Variants in CCDC30 observed in about 807,000 individuals in gnomAD.
The protein encoded by CCDC30 is coiled-coil domain-containing protein 30.
In CCDC30, 70 loss-of-function variants were observed where a neutral mutation model predicts 100.2. The observed-to-expected ratio is 0.70, with a 90% CI of 0.58 to 0.85. The LOEUF is 0.85. Among genes scored for constraint, CCDC30 ranks in the 40% least tolerant of loss-of-function variants. The pLI, the probability that CCDC30 is intolerant of heterozygous loss-of-function variation, is 0.00. For missense variants in CCDC30, 652 were observed against 771.2 expected, an observed-to-expected ratio of 0.85 and a Z score of 1.83; for synonymous variants, 233 against 269.5, an observed-to-expected ratio of 0.86 and a Z score of 1.33.
At chr1:42,641,605 G>A (rs185576998) in intron 12 of CCDC30, among the ~76,000 whole-genome samples, 1 of 152,118 alleles carries the variant, frequency 6.6e-6, no homozygotes, top group East Asian at 1.9e-4. Context: ...AGTGCCTCAC[G>A]CTTGTAATCC....
chr1:42,469,745 T>G (rs1643705865), intron 1 of CCDC30, among the ~76,000 whole-genome samples: 1 of 152,082 alleles, frequency 6.6e-6, no homozygotes, highest in African/African-American at 2.4e-5. Context: ...GGTATGTTGA[T>G]GAGGAGAAGC....
At chr1:42,602,082 T>C (rs774742644) in intron 10 of CCDC30, among the ~76,000 whole-genome samples, 3 of 151,986 alleles carry the variant, frequency 2.0e-5, no homozygotes, top group Non-Finnish European at 2.9e-5. Context: ...ATGGATAAAG[T>C]AGAAGAATCA....
intron 10 of CCDC30, among the ~76,000 whole-genome samples, chr1:42,599,304 G>A (rs967381537): frequency 1.3e-5 from 2 of 152,116 alleles, no homozygotes; most frequent in African/African-American, 4.8e-5. Context: ...CTTATTATAA[G>A]GTACTCATAC....
intron 9 of CCDC30, 114 bp from the exon 14 acceptor site, chr1:42,589,207 C>T (rs1358092960): frequency 4.2e-6 from 3 of 710,514 alleles, no homozygotes; most frequent in African/African-American, 3.7e-5. Context: ...TAGACACATA[C>T]CCTACTTCAT....
exon 12 of CCDC30, chr1:42,637,271 A>C (rs1271674358): frequency 6.3e-7 from 1 of 1,583,660 alleles, no homozygotes; most frequent in Non-Finnish European, 8.5e-7. Flanking sequence ...ACAAAAAGTC[A>C]AGCTTCAAAA....
chr1:42,653,968 T>C, exon 17 of CCDC30: 1 of 1,614,166 alleles, frequency 6.2e-7, no homozygotes, highest in East Asian at 2.2e-5. Context: ...GATACATAAA[T>C]GTGGCTTCTC....
At chr1:42,502,820 C>G (rs1355709400) in intron 6 of CCDC30, among the ~76,000 whole-genome samples, 1 of 152,192 alleles carries the variant, frequency 6.6e-6, no homozygotes, top group Non-Finnish European at 1.5e-5. Flanking sequence ...CCTTCTTTCA[C>G]TTAGCATAAT....
intron 6 of CCDC30, chr1:42,510,095 T>G: frequency 4.1e-6 from 4 of 985,394 alleles, no homozygotes; most frequent in Non-Finnish European, 4.8e-6. Context: ...ATGTAGATGG[T>G]GGGCAGGAAG....
At chr1:42,543,885 A>C (rs1325392268) in intron 6 of CCDC30, among the ~76,000 whole-genome samples, 2 of 152,242 alleles carry the variant, frequency 1.3e-5, no homozygotes, top group African/African-American at 4.8e-5. Flanking sequence ...CTCTTAAAGT[A>C]AACTTAAATT....
chr1:42,476,719 G>A lies in CCDC30; in HGVS notation c.-91-3742G>A, dbSNP rs1293098027. 2.1e-5 allele frequency among the ~76,000 whole-genome samples: 3 copies of A among 140,254 alleles called. No homozygotes were observed. In the Admixed American group the frequency reaches 2.2e-4, roughly 10 times the overall value. 92.0% of individuals were successfully genotyped at this position (140,254 alleles called of 152,430 possible). On this transcript the variant is annotated intron_variant, in intron 1 of 16. Transcript: ENST00000668663. Reference sequence around the variant, plus strand: ...AAAAAAAAAAAGATAAAAAAATTAGGTGCTGTTATTATACTTATTATTATA... The same window carrying A: ...AAAAAAAAAAAGATAAAAAAATTAGATGCTGTTATTATACTTATTATTATA...
intron 15 of CCDC30, among the ~76,000 whole-genome samples, chr1:42,648,144 T>C (rs1648039464): frequency 6.6e-6 from 1 of 151,858 alleles, no homozygotes; most frequent in Non-Finnish European, 1.5e-5. Flanking sequence ...TTCTCCATGT[T>C]GGTCAGGCTG....
intron 6 of CCDC30, 105 bp from the exon 7 acceptor site, chr1:42,536,371 T>A: frequency 1.5e-6 from 1 of 683,760 alleles, no homozygotes; most frequent in Non-Finnish European, 2.3e-6. Context: ...GGTTCATAAA[T>A]CCCCTGGATG....
chr1:42,635,807 C>CA (rs199893593), intron 11 of CCDC30, among the ~76,000 whole-genome samples: 2,321 of 101,670 alleles, frequency 0.023, 25 homozygotes, highest in African/African-American at 0.042. Flanking sequence ...GACTCCATCT[C>CA]AAAAAAAAAA....
intron 8 of CCDC30, 33 bp downstream of exon 12, chr1:42,577,262 A>G: frequency 7.9e-7 from 1 of 1,266,370 alleles, no homozygotes; most frequent in Non-Finnish European, 1.1e-6. Context: ...AACAGCATAC[A>G]CTGAATACCA....
At chr1:42,634,586 T>C (rs1430416282) in intron 11 of CCDC30, among the ~76,000 whole-genome samples, 1 of 152,240 alleles carries the variant, frequency 6.6e-6, no homozygotes, top group Non-Finnish European at 1.5e-5. Flanking sequence ...GAGGTTTGGC[T>C]AGTGGTAGTA....
intron 1 of CCDC30, among the ~76,000 whole-genome samples, chr1:42,478,057 T>C (rs1334086801): frequency 1.3e-5 from 2 of 152,232 alleles, no homozygotes; most frequent in Non-Finnish European, 2.9e-5. Context: ...ACCTGGACTA[T>C]GCTTGATGTT....
At chr1:42,656,287 G>T (rs1354679927), downstream of CCDC30, among the ~76,000 whole-genome samples, 6 of 152,158 alleles carry the variant, frequency 3.9e-5, no homozygotes, top group Non-Finnish European at 8.8e-5. Flanking sequence ...TGAGTCAAAG[G>T]ATATAAATGT....
At chr1:42,457,456 AG>A in the CCDC30 span, 1 of 955,300 alleles carries the variant, frequency 1.0e-6, no homozygotes, top group Non-Finnish European at 1.7e-6. Context: ...CGCTAGGCAC[AG>A]GGGATACAGA....
chr1:42,581,672 A>G (rs1040574900), intron 9 of CCDC30, among the ~76,000 whole-genome samples, 158 bp downstream of exon 13: 1 of 152,164 alleles, frequency 6.6e-6, no homozygotes, highest in African/African-American at 2.4e-5. Context: ...TGCACTTACC[A>G]CACTGTATTC....
Sources: allele counts gnomAD v4.1 joint callset (sites outside exome capture counted in the v4.1 genomes callset), GRCh38; gene constraint gnomAD v4.1.1; transcripts MANE v1.5; gene names NCBI Gene and HGNC (gene_info 2026-07-23, HGNC 2026-07-21).